Variants in PLCE1 observed in about 807,000 individuals in gnomAD.
PLCE1 encodes phospholipase C epsilon 1, also known as 1-phosphatidylinositol 4,5-bisphosphate phosphodiesterase epsilon-1.
A neutral mutation model predicts 242.8 loss-of-function variants in PLCE1; 119 were observed. That is an observed-to-expected ratio of 0.49 (90% CI 0.42 to 0.57). PLCE1 has a LOEUF of 0.57. Ranked by LOEUF, PLCE1 falls within the 20% of genes least tolerant of loss-of-function variation. PLCE1 has a pLI of 0.00. For synonymous variants in PLCE1, 945 were observed against 1,017.4 expected, an observed-to-expected ratio of 0.93 and a Z score of 1.35; for missense variants, 2,441 against 2,788.8, an observed-to-expected ratio of 0.88 and a Z score of 2.81.
chr10:94,160,500 T>G (rs2047575103), intron 3 of PLCE1, among the ~76,000 whole-genome samples: 1 of 152,198 alleles, frequency 6.6e-6, no homozygotes, highest in Admixed American at 6.5e-5. Flanking sequence ...TTTGAGTTCA[T>G]TGTAGATTCT....
chr10:94,076,074 C>A (rs992859877), intron 2 of PLCE1, among the ~76,000 whole-genome samples: 4 of 151,754 alleles, frequency 2.6e-5, no homozygotes, highest in Non-Finnish European at 5.9e-5. Context: ...AGTCTGAGAC[C>A]CAAATTCAAG....
At chr10:94,171,778 A>G (rs1028283632) in intron 4 of PLCE1, among the ~76,000 whole-genome samples, 10 of 152,106 alleles carry the variant, frequency 6.6e-5, no homozygotes, top group South Asian at 4.2e-4. Flanking sequence ...CAGAATGCCA[A>G]TCTCCAACCC....
intron 1 of PLCE1, among the ~76,000 whole-genome samples, chr10:94,008,616 G>A (rs553342134): frequency 6.6e-6 from 1 of 152,278 alleles, no homozygotes; most frequent in South Asian, 2.1e-4. Context: ...GTGAATGTAT[G>A]ATGTTTTATT....
chr10:94,098,461 A>G (rs2045397643), intron 2 of PLCE1, among the ~76,000 whole-genome samples: 1 of 152,318 alleles, frequency 6.6e-6, no homozygotes, highest in African/African-American at 2.4e-5. Flanking sequence ...GAGACTTCAT[A>G]AAAAAGAGAA....
At chr10:94,153,313 G>A (rs79168013) in intron 3 of PLCE1, among the ~76,000 whole-genome samples, 1,856 of 151,906 alleles carry the variant, frequency 0.012, 18 homozygotes, top group Non-Finnish European at 0.018. Context: ...AACAATAGAC[G>A]AAAACCACAT....
intron 4 of PLCE1, among the ~76,000 whole-genome samples, chr10:94,201,336 T>C (rs372731748): frequency 1.2e-4 from 18 of 152,284 alleles, no homozygotes; most frequent in East Asian, 5.8e-4. Context: ...GTTGTAAAGA[T>C]AGAAATAGAA....
chr10:94,180,741 G>A (rs2048285813), intron 4 of PLCE1, among the ~76,000 whole-genome samples: 1 of 152,168 alleles, frequency 6.6e-6, no homozygotes, highest in Non-Finnish European at 1.5e-5. Context: ...GGCTGTGAGG[G>A]CTCCTCCATC....
At chr10:94,214,996 A>G (rs1195464689) in intron 4 of PLCE1, among the ~76,000 whole-genome samples, 1 of 152,156 alleles carries the variant, frequency 6.6e-6, no homozygotes, top group African/African-American at 2.4e-5. Flanking sequence ...TCCAGTGCAG[A>G]TGAGAAACCC....
intron 4 of PLCE1, among the ~76,000 whole-genome samples, chr10:94,219,149 G>A (rs537167276): frequency 8.6e-5 from 13 of 151,722 alleles, no homozygotes; most frequent in South Asian, 4.2e-4. Flanking sequence ...GTTTACTAGC[G>A]CCCAGCACAG....
chr10:94,237,136 C>A lies in PLCE1; in HGVS notation c.2420+1016C>A, dbSNP rs149069802. On this transcript the variant is annotated intron_variant, in intron 7 of 32. Transcript: ENST00000371380. ...AAACAGATGTTTGGGAGAAGAATGC[C>A]TTCTCCTCATACTGGATCTGGCTGA... is the stretch of plus-strand genomic sequence containing the variant. 3.9e-3 allele frequency among the ~76,000 whole-genome samples: 595 copies of A among 152,102 alleles called. 4 individuals carry two copies. Among genetic ancestry groups the A allele is most frequent in the African/African-American group, 0.013 (542 of 41,498 alleles).
At chr10:94,271,242 T>C (rs1589450256) in intron 18 of PLCE1, among the ~76,000 whole-genome samples, 1 of 151,664 alleles carries the variant, frequency 6.6e-6, no homozygotes, top group African/African-American at 2.4e-5. Context: ...CATCTGTCAG[T>C]TGTATGTGGA....
At chr10:94,093,932 T>TTA (rs1388793346) in intron 2 of PLCE1, among the ~76,000 whole-genome samples, 71 of 139,750 alleles carry the variant, frequency 5.1e-4, no homozygotes, top group African/African-American at 1.5e-3. Flanking sequence ...TAATCGGTAT[T>TTA]TCTTTTTTTT....
chr10:94,127,544 G>C (rs924245649), intron 2 of PLCE1, among the ~76,000 whole-genome samples: 2 of 152,110 alleles, frequency 1.3e-5, no homozygotes, highest in Admixed American at 1.3e-4. Context: ...CATCATATTG[G>C]CTAAATTTCC....
chr10:94,097,215 C>A (rs1046265215), intron 2 of PLCE1, among the ~76,000 whole-genome samples: 5 of 152,050 alleles, frequency 3.3e-5, no homozygotes, highest in African/African-American at 1.2e-4. Flanking sequence ...CCTAGAATAT[C>A]TTTTATTTAG....
chr10:94,207,795 A>G (rs780735719), intron 4 of PLCE1, among the ~76,000 whole-genome samples: 11 of 152,236 alleles, frequency 7.2e-5, no homozygotes, highest in Non-Finnish European at 1.6e-4. Flanking sequence ...TGATGGAAAC[A>G]TATTAAAAGG....
intron 31 of PLCE1, 39 bp downstream of exon 31, chr10:94,324,606 C>A: frequency 6.8e-7 from 1 of 1,472,034 alleles, no homozygotes; most frequent in Non-Finnish European, 9.5e-7. Context: ...CTTAAGTTAT[C>A]TGATACCCAT....
Position 94,298,437 on chromosome 10 carries a change from C to T in PLCE1, c.5226C>T (p.Thr1742=), listed in dbSNP as rs1358511358. The T allele has an allele frequency of 1.2e-6, 2 of 1,614,066 alleles. No homozygotes were observed. The highest frequency in any genetic ancestry group is 4.5e-5 in the East Asian group (2 of 44,886). Reference sequence around the variant, plus strand: ...AATCTTCTTCCCCTCTCAACCCAACCACGTCCCTCAGTGCTATCATTAGAA... The same window carrying T: ...AATCTTCTTCCCCTCTCAACCCAACTACGTCCCTCAGTGCTATCATTAGAA... ...WEESSSPLNP[T]TSLSAIIRTP... is the part of the protein sequence containing the mutation. The change falls in exon 24 of 33, where the codon ACC becomes ACT. Residue 1742 remains threonine, a synonymous_variant. Transcript: ENST00000371380. This position sits in a 1 kb window ranked among gnomAD's most constrained non-coding sequence, Gnocchi z 5.2.
chr10:94,244,665 C>T (rs577508640), intron 7 of PLCE1, among the ~76,000 whole-genome samples: 287 of 152,194 alleles, frequency 1.9e-3, no homozygotes, highest in African/African-American at 4.9e-3. Flanking sequence ...TTCTGGCCAC[C>T]GTGACCATAT....
intron 2 of PLCE1, among the ~76,000 whole-genome samples, chr10:94,079,631 T>C (rs1226767768): frequency 1.3e-5 from 2 of 152,286 alleles, no homozygotes; most frequent in South Asian, 2.1e-4. Flanking sequence ...ACATAAAAAA[T>C]TTAAAAACAT....
Sources: gnomAD v4.1 joint callset for allele counts (sites outside exome capture counted in the v4.1 genomes callset) on GRCh38, gnomAD v4.1.1 for gene constraint, Gnocchi (gnomAD v3.1) non-coding constraint, MANE v1.5 for transcripts, NCBI Gene and HGNC (gene_info 2026-07-23, HGNC 2026-07-21) for gene names.